C2CD5: variants seen among roughly 807,000 people sequenced by gnomAD.
C2CD5 encodes the protein C2 calcium dependent domain containing 5.
Under a neutral mutation model 130.3 loss-of-function variants are expected in C2CD5, and 109 were observed. The observed-to-expected ratio is 0.84, with a 90% CI of 0.72 to 0.98. C2CD5 has a LOEUF of 0.98. Among genes scored for constraint, C2CD5 ranks in the 50% least tolerant of loss-of-function variants. The pLI is 0.00. For missense variants in C2CD5, 996 were observed against 1,261.8 expected (o/e 0.79, Z 3.19); for synonymous variants, 454 against 429.2 (o/e 1.06, Z -0.71).
intron 2 of C2CD5, among the ~76,000 whole-genome samples, chr12:22,537,080 T>C (rs1951886408): frequency 6.6e-6 from 1 of 152,234 alleles, no homozygotes; most frequent in Non-Finnish European, 1.5e-5. Context: ...TTGGCTCAAC[T>C]GCCAAAAGTA....
intron 22 of C2CD5, among the ~76,000 whole-genome samples, chr12:22,459,946 T>C (rs1354305579): frequency 6.6e-6 from 1 of 152,232 alleles, no homozygotes; most frequent in African/African-American, 2.4e-5. Flanking sequence ...GGGAAGAGTC[T>C]ATAAGATTAC....
At chr12:22,453,824 G>A in intron 26 of C2CD5, 72 bp downstream of exon 26, 1 of 1,371,954 alleles carries the variant, frequency 7.3e-7, no homozygotes, top group Non-Finnish European at 1.0e-6. Flanking sequence ...CTTTTGGAGG[G>A]GGTTAGGGGT....
chr12:22,508,063 A>C (rs1948777520), intron 9 of C2CD5, among the ~76,000 whole-genome samples: 1 of 152,206 alleles, frequency 6.6e-6, no homozygotes, highest in South Asian at 2.1e-4. Flanking sequence ...AGAATTATTC[A>C]CTGGCTGCTT....
At chr12:22,519,200 C>T (rs1416779015) in intron 7 of C2CD5, 17 of 1,535,640 alleles carry the variant, frequency 1.1e-5, no homozygotes, top group South Asian at 1.2e-5. Context: ...TGTTGTGAGT[C>T]GAGCGGCATC....
At chr12:22,535,498 G>C (rs1277585939) in intron 2 of C2CD5, among the ~76,000 whole-genome samples, 154 bp from the exon 3 acceptor site, 1 of 152,150 alleles carries the variant, frequency 6.6e-6, no homozygotes, top group Non-Finnish European at 1.5e-5. Context: ...GATGGATCCA[G>C]GTAAGATTGT....
intron 14 of C2CD5, 49 bp from the exon 15 acceptor site, chr12:22,478,526 A>G: frequency 5.3e-6 from 8 of 1,496,942 alleles, no homozygotes; most frequent in Non-Finnish European, 7.4e-6. Context: ...CTACAGAATA[A>G]CAGTCCTTAA....
At position 22,469,792 on chromosome 12, in the gene C2CD5, G is replaced by A; in HGVS notation, c.2450C>T (p.Ser817Leu). Residue 817 changes from serine (S) to leucine (L), a missense_variant, in exon 22 of 27, where the codon TCA (serine) becomes TTA (leucine). By Grantham distance (145) the Ser-to-Leu change is moderately radical. Around this residue, in one of 9 missense-constraint regions of C2CD5, gnomAD observed 590 missense variants for 631.4 expected, o/e 0.93. Coordinates refer to ENST00000446597, the MANE Select transcript of C2CD5 (RefSeq NM_001286176.2). ...TPVEKSLQRA[S>L]TDNEELLQFP... ...TTGTAAAAGTTCTTCATTATCTGTT[G>A]AGGCTAGAAAGGCAAGAAAATATCA... The A allele has an allele frequency of 6.3e-7, 1 of 1,587,558 alleles. No homozygotes were observed.
At chr12:22,524,918 T>A (rs923883933) in intron 5 of C2CD5, among the ~76,000 whole-genome samples, 1 of 151,804 alleles carries the variant, frequency 6.6e-6, no homozygotes, top group African/African-American at 2.4e-5. Context: ...CAGAATTCAA[T>A]ACAAAGTTTA....
At chr12:22,512,695 T>C in intron 9 of C2CD5, 2 of 1,477,588 alleles carry the variant, frequency 1.4e-6, no homozygotes, top group Non-Finnish European at 1.8e-6. Context: ...CAATGAAGTT[T>C]ATTTAAAAAA....
chr12:22,491,871 CA>C (rs536490995), intron 11 of C2CD5, among the ~76,000 whole-genome samples: 3 of 138,182 alleles, frequency 2.2e-5, no homozygotes, highest in African/African-American at 5.2e-5. Context: ...AACTCTATCT[CA>C]AAAAACAAAA....
At chr12:22,507,437 G>A (rs1476865662) in intron 9 of C2CD5, among the ~76,000 whole-genome samples, 1 of 152,164 alleles carries the variant, frequency 6.6e-6, no homozygotes, top group African/African-American at 2.4e-5. Context: ...GGTACATTAA[G>A]GAAAGTTGAA....
chr12:22,473,002 C>T (rs1396238892), intron 16 of C2CD5, among the ~76,000 whole-genome samples, 195 bp from the exon 17 acceptor site: 4 of 151,988 alleles, frequency 2.6e-5, no homozygotes, highest in African/African-American at 9.7e-5. Flanking sequence ...AAATATTTTA[C>T]GTACAAAGTA....
chr12:22,481,352 A>C (rs915360968), intron 14 of C2CD5, among the ~76,000 whole-genome samples: 1 of 152,176 alleles, frequency 6.6e-6, no homozygotes, highest in African/African-American at 2.4e-5. Context: ...ACTCTCAAAA[A>C]GATGGCAAGA....
intron 22 of C2CD5, among the ~76,000 whole-genome samples, chr12:22,468,000 C>A (rs1376984424): frequency 6.6e-6 from 1 of 151,652 alleles, no homozygotes. Context: ...CTAACAGGGA[C>A]CCCAAGTCCA....
At position 22,493,288 on chromosome 12, in the gene C2CD5, T is replaced by G. The variant is rs765246940; in HGVS notation, c.1197A>C (p.Ile399=). The stretch of plus-strand genomic sequence containing the variant: ...AGCCTAATGCTTTAGCATGTGATTT[T>G]ATTTCTTGTCTGATTTCTGCCCACC... ...DAWWAEIRQE[I]KSHAKALGCH... is the part of the protein sequence containing the mutation. Residue 399 remains isoleucine (I), a synonymous_variant, in exon 11 of 27, where the codon ATA becomes ATC. Coordinates refer to ENST00000446597, the MANE Select transcript of C2CD5 (RefSeq NM_001286176.2). The G allele has an allele frequency of 3.7e-6, 6 of 1,612,314 alleles. No individual in the cohort carries two copies. The Admixed American group carries it at 1.0e-4, about 27-fold the overall frequency.
chr12:22,484,619 C>G (rs1192831157), intron 13 of C2CD5, 78 bp downstream of exon 13: 1 of 704,350 alleles, frequency 1.4e-6, no homozygotes, highest in Non-Finnish European at 2.3e-6. Flanking sequence ...AACAGTAAAG[C>G]TGACACTTAA....
chr12:22,524,719 A>G (rs1241179144), intron 5 of C2CD5, 92 bp from the exon 6 acceptor site: 2 of 779,566 alleles, frequency 2.6e-6, no homozygotes, highest in Admixed American at 2.5e-5. Flanking sequence ...CTTTAGATAC[A>G]TAATACAAGA....
chr12:22,516,976 AG>A (rs948264576), intron 8 of C2CD5, among the ~76,000 whole-genome samples: 1 of 151,954 alleles, frequency 6.6e-6, no homozygotes, highest in Non-Finnish European at 1.5e-5. Context: ...TCAAGAAAAC[AG>A]GTGTTTATAA....
At chr12:22,514,269 T>A (rs992872185) in intron 8 of C2CD5, among the ~76,000 whole-genome samples, 2 of 152,150 alleles carry the variant, frequency 1.3e-5, no homozygotes, top group African/African-American at 4.8e-5. Flanking sequence ...AAAAAGGAAC[T>A]AATTAACTTT....
Sources: allele counts gnomAD v4.1 joint callset (sites outside exome capture counted in the v4.1 genomes callset), GRCh38; gene constraint gnomAD v4.1.1; regional missense constraint gnomAD v4.1.1; transcripts MANE v1.5; gene names NCBI Gene and HGNC (gene_info 2026-07-23, HGNC 2026-07-21).